KIAA1958: variants seen among roughly 807,000 people sequenced by gnomAD.
KIAA1958 encodes the protein KIAA1958.
A neutral mutation model predicts 47.2 loss-of-function variants in KIAA1958; 14 were observed. That is an observed-to-expected ratio of 0.30 (90% confidence interval 0.20 to 0.46). KIAA1958 has a LOEUF of 0.46. Among genes scored for constraint, KIAA1958 ranks in the 20% least tolerant of loss-of-function variants. KIAA1958 has a pLI of 1.00. For missense variants in KIAA1958, 803 were observed against 909.2 expected (o/e 0.88, Z 1.50); for synonymous variants, 354 against 353.3 (o/e 1.00, Z -0.02).
intron 1 of KIAA1958, among the ~76,000 whole-genome samples, chr9:112,526,275 A>G (rs181935451): frequency 1.3e-5 from 2 of 151,028 alleles, no homozygotes; most frequent in Admixed American, 1.3e-4. Context: ...TTTTCTTGAG[A>G]CAGATTCTTG....
chr9:112,663,895 G>C lies in KIAA1958; in HGVS notation c.*3826G>C, dbSNP rs1588059333. The stretch of plus-strand genomic sequence containing the variant: ...ATATGCCACACTCAGCATTTTCATA[G>C]ACATAGTCATTAGGAGAATCTGGAC... On this transcript the variant is annotated 3_prime_UTR_variant, in exon 4 of 4. Coordinates refer to ENST00000337530, the MANE Select transcript of KIAA1958 (RefSeq NM_133465.4). 3 of 152,332 alleles carry C rather than the reference G, an allele frequency of 2.0e-5. No homozygotes were observed. In the South Asian group the frequency reaches 6.2e-4, roughly 32 times the overall value. 9.4% of individuals were successfully genotyped at this position (152,332 alleles called of 1,614,324 possible). A position where few individuals can be genotyped will look rare whatever the true frequency, so the allele number is the denominator to read the frequency against.
At chr9:112,638,174 T>TTTTTG (rs1342843708) in intron 2 of KIAA1958, among the ~76,000 whole-genome samples, 24 of 151,854 alleles carry the variant, frequency 1.6e-4, no homozygotes, top group African/African-American at 5.6e-4. Flanking sequence ...AAATAAAATT[T>TTTTTG]TCTCTTAATG....
At chr9:112,658,434 A>G (rs561477720) in intron 3 of KIAA1958, among the ~76,000 whole-genome samples, 24 of 152,348 alleles carry the variant, frequency 1.6e-4, no homozygotes, top group African/African-American at 5.8e-4. Context: ...AGGAGAGGGA[A>G]GCAAATGATT....
intron 3 of KIAA1958, among the ~76,000 whole-genome samples, chr9:112,656,982 A>G (rs1180140507): frequency 6.6e-6 from 1 of 152,172 alleles, no homozygotes; most frequent in African/African-American, 2.4e-5. Flanking sequence ...CTCTTTATAA[A>G]AAAGTCAGAC....
chr9:112,561,635 A>G lies in KIAA1958; in HGVS notation c.-24-12422A>G, dbSNP rs1487417492. ...TCTGGGAGGCTGAGGCGGGCATATC[A>G]CCTGAGGTCAGGAATTTGAGACCAG... On this transcript the variant is annotated intron_variant, in intron 1 of 3. Transcript: ENST00000337530. Among the ~76,000 whole-genome samples, 5 of 152,066 alleles carry G rather than the reference A, an allele frequency of 3.3e-5. No individual in the cohort carries two copies. In the East Asian group the frequency reaches 9.7e-4, roughly 29 times the overall value.
At chr9:112,547,193 A>C (rs1835052721) in intron 1 of KIAA1958, among the ~76,000 whole-genome samples, 1 of 150,090 alleles carries the variant, frequency 6.7e-6, no homozygotes, top group South Asian at 2.1e-4. Flanking sequence ...CCTGGCCAAC[A>C]TGGCGAAACC....
At chr9:112,602,815 T>G (rs1836156902) in intron 2 of KIAA1958, among the ~76,000 whole-genome samples, 1 of 152,170 alleles carries the variant, frequency 6.6e-6, no homozygotes, top group Non-Finnish European at 1.5e-5. Flanking sequence ...GATTATGGAA[T>G]TCTCACTGTG....
Position 112,498,192 on chromosome 9 carries a change from A to T in KIAA1958, c.-25+11074A>T, listed in dbSNP as rs115890153. On this transcript the variant is annotated intron_variant, in intron 1 of 3. Transcript: ENST00000337530. ...GAAAACAAGGAGTTCTACATTAGTG[A>T]ATTTACCATATAACTAAAGTTTATC... Among the ~76,000 whole-genome samples the T allele has an allele frequency of 4.0e-3, 603 of 152,274 alleles. 2 individuals carry two copies. The highest frequency in any genetic ancestry group is 0.014 in the African/African-American group (574 of 41,556).
At chr9:112,573,084 T>C (rs1835567372) in intron 1 of KIAA1958, among the ~76,000 whole-genome samples, 1 of 152,142 alleles carries the variant, frequency 6.6e-6, no homozygotes, top group South Asian at 2.1e-4. Flanking sequence ...TACTAACCTT[T>C]CCAGCCCCTT....
intron 1 of KIAA1958, among the ~76,000 whole-genome samples, chr9:112,555,636 C>T (rs575345977): frequency 4.1e-4 from 63 of 152,296 alleles, no homozygotes; most frequent in Non-Finnish European, 7.8e-4. Context: ...TCACAGTATG[C>T]TCGCATGGCA....
At chr9:112,557,522 A>T (rs1278477472) in intron 1 of KIAA1958, among the ~76,000 whole-genome samples, 1 of 152,208 alleles carries the variant, frequency 6.6e-6, no homozygotes, top group Non-Finnish European at 1.5e-5. Flanking sequence ...TCTGCCAGCT[A>T]CTGAGATATT....
intron 1 of KIAA1958, among the ~76,000 whole-genome samples, chr9:112,513,422 G>A (rs969362261): frequency 3.0e-4 from 44 of 147,534 alleles, no homozygotes; most frequent in Non-Finnish European, 1.6e-4. Context: ...AAGATGCTGA[G>A]GTGCTTTCCC....
intron 1 of KIAA1958, among the ~76,000 whole-genome samples, chr9:112,488,609 G>A (rs1460358655): frequency 6.6e-6 from 1 of 151,842 alleles, no homozygotes; most frequent in East Asian, 1.9e-4. Context: ...CAGTTTTGGG[G>A]GCCATGCATA....
chr9:112,617,667 A>G (rs1157561584), intron 2 of KIAA1958, among the ~76,000 whole-genome samples: 1 of 152,202 alleles, frequency 6.6e-6, no homozygotes, highest in Non-Finnish European at 1.5e-5. Flanking sequence ...AATGGGCCAT[A>G]TGCTTGTCTA....
chr9:112,615,635 T>A (rs1836396960), intron 2 of KIAA1958, among the ~76,000 whole-genome samples: 1 of 152,164 alleles, frequency 6.6e-6, no homozygotes, highest in African/African-American at 2.4e-5. Context: ...ATATAACCCC[T>A]TCATATGTCC....
In KIAA1958 at chr9:112,574,991, A is replaced by G. The variant is rs1371011609; in HGVS notation, c.911A>G (p.Gln304Arg). 1 of 1,614,140 alleles carries G rather than the reference A, an allele frequency of 6.2e-7. No homozygotes were observed. Among genetic ancestry groups the G allele is most frequent in the Admixed American group, 1.7e-5 (1 of 60,022 alleles). ...CCCCCTGGTACACATGGCACCAACCAACAGGTGGCCATGCAAATGCCTGTG... is the reference window on the plus strand; with the variant it reads ...CCCCCTGGTACACATGGCACCAACCGACAGGTGGCCATGCAAATGCCTGTG... Reference protein sequence around the residue: ...RGPPGTHGTNQQVAMQMPVST... With the variant: ...RGPPGTHGTNRQVAMQMPVST... The change falls in exon 2 of 4, where the codon CAA (glutamine) becomes CGA (arginine). Residue 304 changes from glutamine (Q) to arginine (R), a missense_variant. Coordinates refer to ENST00000337530, the MANE Select transcript of KIAA1958 (RefSeq NM_133465.4).
At chr9:112,553,838 C>A (rs1003384708) in intron 1 of KIAA1958, among the ~76,000 whole-genome samples, 2 of 152,004 alleles carry the variant, frequency 1.3e-5, no homozygotes, top group African/African-American at 4.8e-5. Context: ...AGAGTAAGAA[C>A]CATGTTTATT....
chr9:112,518,547 T>G (rs1834479542), intron 1 of KIAA1958, among the ~76,000 whole-genome samples: 1 of 152,222 alleles, frequency 6.6e-6, no homozygotes, highest in Non-Finnish European at 1.5e-5. Context: ...GATGAGTGTT[T>G]GCCTTAAGAG....
At chr9:112,624,561 G>A (rs778108833) in intron 2 of KIAA1958, among the ~76,000 whole-genome samples, 1 of 152,182 alleles carries the variant, frequency 6.6e-6, no homozygotes. Context: ...TATTGATGGA[G>A]TACCAAGAAC....
Sources: allele counts gnomAD v4.1 joint callset (sites outside exome capture counted in the v4.1 genomes callset), GRCh38; gene constraint gnomAD v4.1.1; transcripts MANE v1.5; gene names NCBI Gene and HGNC (gene_info 2026-07-23, HGNC 2026-07-21).